Variants in TSPAN15 observed in about 807,000 individuals in gnomAD.
The protein encoded by TSPAN15 is tetraspanin-15.
A neutral mutation model predicts 34.5 loss-of-function variants in TSPAN15; 20 were observed. The observed-to-expected ratio is 0.58, with a 90% CI of 0.41 to 0.84. The LOEUF (loss-of-function observed/expected upper bound fraction) is 0.84, where lower values mean the gene tolerates loss of function less well. TSPAN15 is among the 40% of genes least tolerant of loss of function. TSPAN15 has a pLI of 0.00. For missense variants in TSPAN15, 313 were observed against 386.1 expected (o/e 0.81, Z 1.59); for synonymous variants, 155 against 153.9 (o/e 1.01, Z -0.05).
chr10:69,538,544 G>A, the TSPAN15 span, among the ~76,000 whole-genome samples: 3 of 152,246 alleles, frequency 2.0e-5, no homozygotes, highest in Non-Finnish European at 2.9e-5. Context: ...TTGAAGGGAA[G>A]TAACAACACC....
In TSPAN15 at chr10:69,500,471, G is replaced by A. The variant is rs1179924012; in HGVS notation, c.570+2075G>A. ...AATTGGCTTGTGTAATTATGGAGGC[G>A]GGCAAGTCCCAAGATCTGCAGGGTG... On this transcript the variant is annotated intron_variant, in intron 5 of 7. Coordinates refer to ENST00000373290, the MANE Select transcript of TSPAN15 (RefSeq NM_012339.5). 3.9e-5 allele frequency among the ~76,000 whole-genome samples: 6 copies of A among 152,300 alleles called. No homozygotes were observed. In the East Asian group the frequency reaches 7.7e-4, roughly 20 times the overall value.
At chr10:69,517,966 A>T in the TSPAN15 span, among the ~76,000 whole-genome samples, 1 of 152,234 alleles carries the variant, frequency 6.6e-6, no homozygotes, top group South Asian at 2.1e-4. Context: ...TGCACCTCCC[A>T]AGACACATAG....
chr10:69,511,040 T>A (rs1842409851), downstream of TSPAN15, among the ~76,000 whole-genome samples: 1 of 152,232 alleles, frequency 6.6e-6, no homozygotes, highest in Non-Finnish European at 1.5e-5. Context: ...AATTTTCTTT[T>A]TTTTGTTGTG....
the TSPAN15 span, among the ~76,000 whole-genome samples, chr10:69,546,294 A>T: frequency 6.6e-6 from 1 of 152,176 alleles, no homozygotes; most frequent in African/African-American, 2.4e-5. Flanking sequence ...TACTCTCTGG[A>T]GTAGTGCAGT....
the TSPAN15 span, among the ~76,000 whole-genome samples, chr10:69,524,326 G>A: frequency 6.8e-6 from 1 of 147,334 alleles, no homozygotes; most frequent in Non-Finnish European, 1.5e-5. Context: ...AAATTAGCTG[G>A]GCATGGTGGT....
At chr10:69,514,160 G>A in the TSPAN15 span, among the ~76,000 whole-genome samples, 36 of 152,280 alleles carry the variant, frequency 2.4e-4, no homozygotes, top group African/African-American at 7.9e-4. Context: ...TAGAATTTGC[G>A]AATATGGTGA....
Position 69,507,160 on chromosome 10 carries a change from C to T in TSPAN15, c.*182C>T. On this transcript the variant is annotated 3_prime_UTR_variant, in exon 8 of 8. Coordinates refer to ENST00000373290, the MANE Select transcript of TSPAN15 (RefSeq NM_012339.5). ...GCCTCCCCAGGGAGCAGAGCCTGGG[C>T]CTCCCCTAAGAGGCTTTCCCCGAGG... 1 of 1,433,620 alleles carries T rather than the reference C, an allele frequency of 7.0e-7. No homozygotes were observed. Among genetic ancestry groups the T allele is most frequent in the Non-Finnish European group, 9.1e-7 (1 of 1,100,232 alleles). The allele number at this position is 1,433,620 out of a possible 1,614,324, so 88.8% of individuals were successfully genotyped here.
At chr10:69,536,047 A>T in the TSPAN15 span, among the ~76,000 whole-genome samples, 1 of 152,276 alleles carries the variant, frequency 6.6e-6, no homozygotes, top group East Asian at 1.9e-4. Flanking sequence ...CGCTTAGTTC[A>T]TCCCACTGCC....
the TSPAN15 span, among the ~76,000 whole-genome samples, chr10:69,538,624 ACAGT>A: frequency 6.6e-6 from 1 of 152,266 alleles, no homozygotes; most frequent in Non-Finnish European, 1.5e-5. Context: ...AGCCTGGCTC[ACAGT>A]CAGCACTCAG....
At chr10:69,468,367 G>A (rs1284540552) in intron 1 of TSPAN15, among the ~76,000 whole-genome samples, 3 of 152,254 alleles carry the variant, frequency 2.0e-5, no homozygotes, top group Admixed American at 6.5e-5. Flanking sequence ...GTAGGGCAGT[G>A]GCTCTTTGTT....
At chr10:69,510,710 G>T (rs1842405591), downstream of TSPAN15, among the ~76,000 whole-genome samples, 2 of 152,194 alleles carry the variant, frequency 1.3e-5, no homozygotes, top group African/African-American at 4.8e-5. Flanking sequence ...TTGGCTGTGG[G>T]TTTGTCATAA....
At chr10:69,539,044 C>T in the TSPAN15 span, among the ~76,000 whole-genome samples, 1 of 152,084 alleles carries the variant, frequency 6.6e-6, no homozygotes, top group Non-Finnish European at 1.5e-5. Flanking sequence ...CTAAATTTGG[C>T]TCATAGAGGT....
At chr10:69,469,832 C>T (rs1841468196) in intron 1 of TSPAN15, among the ~76,000 whole-genome samples, 1 of 152,108 alleles carries the variant, frequency 6.6e-6, no homozygotes, top group Non-Finnish European at 1.5e-5. Context: ...GCATAAGCCA[C>T]CATGCCCAGC....
At chr10:69,478,145 CA>C (rs59575782) in intron 1 of TSPAN15, among the ~76,000 whole-genome samples, 9,388 of 151,578 alleles carry the variant, frequency 0.062, 999 homozygotes, top group African/African-American at 0.22. Flanking sequence ...GTGTGCAGAG[CA>C]GGTGGCAGTG....
rs190046305 is a variant in TSPAN15, at chr10:69,479,501, C to T, written c.97-4190C>T. 5.4e-3 allele frequency among the ~76,000 whole-genome samples: 816 copies of T among 152,334 alleles called. 3 individuals carry two copies. Among genetic ancestry groups the T allele is most frequent in the Middle Eastern group, 0.014 (4 of 294 alleles). On this transcript the variant is annotated intron_variant, in intron 1 of 7. Coordinates refer to ENST00000373290, the MANE Select transcript of TSPAN15 (RefSeq NM_012339.5). ...GCAGCACGCACTTTCCCTCTTTGGC[C>T]CCAAATGGGCATGGCCGTGTGCCCC... is the stretch of plus-strand genomic sequence containing the variant.
rs36028041 is a variant in TSPAN15 at position 69,467,637 on chromosome 10, AACACAC to A, written c.96+15980_96+15985del. On this transcript the variant is annotated intron_variant, in intron 1 of 7. Transcript: ENST00000373290. The stretch of plus-strand genomic sequence containing the variant: ...TCCTCTAAACAAAACAAAACAAAAC[AACACAC>A]ACACACACACACACACACACACACA... Among the ~76,000 whole-genome samples the A allele has an allele frequency of 1.5e-3, 119 of 78,206 alleles. 2 individuals are homozygous for A. The highest frequency in any genetic ancestry group is 6.4e-3 in the Middle Eastern group (1 of 156). 51.3% of individuals were successfully genotyped at this position (78,206 alleles called of 152,430 possible).
At chr10:69,457,003 C>T (rs1237866937) in intron 1 of TSPAN15, among the ~76,000 whole-genome samples, 5 of 152,120 alleles carry the variant, frequency 3.3e-5, no homozygotes, top group African/African-American at 4.8e-5. Context: ...GGGATGTCTG[C>T]GGGAGAAATG....
intron 5 of TSPAN15, among the ~76,000 whole-genome samples, chr10:69,500,789 G>T (rs1589653262): frequency 6.6e-6 from 1 of 152,190 alleles, no homozygotes; most frequent in South Asian, 2.1e-4. Context: ...ATAATGTCTG[G>T]CCAAATATCT....
intron 1 of TSPAN15, among the ~76,000 whole-genome samples, chr10:69,467,053 A>G (rs1222753776): frequency 6.6e-6 from 1 of 152,154 alleles, no homozygotes; most frequent in Non-Finnish European, 1.5e-5. Flanking sequence ...CTTTCTGCAC[A>G]GGGTTTCATG....
Sources: gnomAD v4.1 joint callset for allele counts (sites outside exome capture counted in the v4.1 genomes callset) on GRCh38, gnomAD v4.1.1 for gene constraint, MANE v1.5 for transcripts, NCBI Gene and HGNC (gene_info 2026-07-23, HGNC 2026-07-21) for gene names.